Variants in GRAMD1B observed in about 807,000 individuals in gnomAD.
GRAMD1B encodes GRAM domain containing 1B.
In GRAMD1B, 37 loss-of-function variants were observed where a neutral mutation model predicts 99.7. The ratio of observed to expected loss-of-function variants is 0.37; its 90% CI spans 0.29 to 0.49. GRAMD1B has a LOEUF of 0.49. GRAMD1B is among the 20% of genes least tolerant of loss of function. The pLI, the probability that GRAMD1B is intolerant of heterozygous loss-of-function variation, is 0.98. For synonymous variants in GRAMD1B, 427 were observed against 387.6 expected (o/e 1.10, Z -1.19); for missense variants, 888 against 1,009.2 (o/e 0.88, Z 1.63).
intron 18 of GRAMD1B, 49 bp from the exon 19 acceptor site, chr11:123,619,058 C>T (rs564687288): frequency 1.4e-5 from 15 of 1,050,700 alleles, no homozygotes; most frequent in Admixed American, 8.1e-5. Flanking sequence ...CAGGACAGTT[C>T]GCTGAGCATA....
chr11:123,597,957 GT>G, intron 7 of GRAMD1B: 4 of 1,176,254 alleles, frequency 3.4e-6, no homozygotes, highest in Non-Finnish European at 5.1e-6. Flanking sequence ...AGCAGTCCTT[GT>G]TTTTTCAGAT....
chr11:123,600,612 T>G (rs1951830083), intron 8 of GRAMD1B, 64 bp downstream of exon 8: 1 of 1,027,362 alleles, frequency 9.7e-7, no homozygotes, highest in Admixed American at 1.9e-5. Context: ...CTTTGTCTCC[T>G]CAGGGTTCTG....
intron 1 of GRAMD1B, among the ~76,000 whole-genome samples, chr11:123,406,016 CTTT>C (rs72167101): frequency 1.8e-4 from 25 of 139,900 alleles, no homozygotes; most frequent in South Asian, 9.1e-4. Context: ...AACATTATTC[CTTT>C]TTTTTTTTTT....
At chr11:123,551,583 A>G (rs1050181547) in intron 2 of GRAMD1B, among the ~76,000 whole-genome samples, 3 of 152,164 alleles carry the variant, frequency 2.0e-5, no homozygotes, top group Non-Finnish European at 2.9e-5. Flanking sequence ...CGGTGGTGGA[A>G]AGAACATAGG....
chr11:123,622,116 G>T (rs1192223117), intron 19 of GRAMD1B, among the ~76,000 whole-genome samples: 1 of 151,918 alleles, frequency 6.6e-6, no homozygotes, highest in Admixed American at 6.6e-5. Context: ...AAACTCCCGG[G>T]TTCAAGCCAT....
rs146153616 is a variant in GRAMD1B, at chr11:123,377,038, C to T, written c.-176+18239C>T. On this transcript the variant is annotated intron_variant, in intron 1 of 20. Coordinates refer to the GRAMD1B transcript ENST00000638157. ...TATCCTTCTCTCTCCCATCCATTTT[C>T]GCCTGCCTGAATAATCTCCAAGAAC... 2.8e-3 allele frequency among the ~76,000 whole-genome samples: 422 copies of T among 152,298 alleles called. 2 individuals are homozygous for T. Among genetic ancestry groups the T allele is most frequent in the Non-Finnish European group, 4.6e-3 (312 of 68,020 alleles).
intron 1 of GRAMD1B, among the ~76,000 whole-genome samples, chr11:123,468,695 G>A (rs1468522331): frequency 6.6e-6 from 1 of 151,502 alleles, no homozygotes; most frequent in Non-Finnish European, 1.5e-5. Context: ...TACTCAGGAG[G>A]CCGAGGTGGG....
chr11:123,597,936 C>G, intron 7 of GRAMD1B: 1 of 1,086,870 alleles, frequency 9.2e-7, no homozygotes, highest in South Asian at 1.2e-5. Context: ...AGCTACATCC[C>G]TGAACACTAG....
intron 2 of GRAMD1B, chr11:123,560,215 G>A: frequency 9.6e-7 from 1 of 1,037,598 alleles, no homozygotes; most frequent in Non-Finnish European, 1.2e-6. Flanking sequence ...GCGCGCAAGA[G>A]GGGTGCGTGT....
chr11:123,486,708 T>C (rs1052135178), intron 2 of GRAMD1B, among the ~76,000 whole-genome samples: 1 of 152,212 alleles, frequency 6.6e-6, no homozygotes, highest in African/African-American at 2.4e-5. Flanking sequence ...GTGATATACT[T>C]ACAAATAAAC....
intron 11 of GRAMD1B, 57 bp from the exon 12 acceptor site, chr11:123,608,602 G>T (rs575268668): frequency 1.9e-6 from 3 of 1,557,874 alleles, no homozygotes; most frequent in East Asian, 4.8e-5. Flanking sequence ...GGATGTCCCT[G>T]GGGCCCCCTC....
intron 8 of GRAMD1B, among the ~76,000 whole-genome samples, chr11:123,602,328 T>G (rs1248837285): frequency 6.6e-6 from 1 of 151,370 alleles, no homozygotes; most frequent in African/African-American, 2.4e-5. Context: ...TTATTGTTAT[T>G]TTTACTCCCA....
intron 1 of GRAMD1B, among the ~76,000 whole-genome samples, chr11:123,455,233 A>T (rs1433964438): frequency 6.6e-6 from 1 of 152,212 alleles, no homozygotes; most frequent in African/African-American, 2.4e-5. Flanking sequence ...CTAGGTAGAG[A>T]TTCCTTAGGA....
chr11:123,552,857 T>A (rs2135887293), intron 2 of GRAMD1B, among the ~76,000 whole-genome samples: 1 of 152,314 alleles, frequency 6.6e-6, no homozygotes, highest in Admixed American at 6.5e-5. Context: ...ACCTTCTCAA[T>A]GAGTGTTAGC....
At chr11:123,564,663 CA>C (rs2136056730) in intron 2 of GRAMD1B, among the ~76,000 whole-genome samples, 1 of 152,356 alleles carries the variant, frequency 6.6e-6, no homozygotes, top group East Asian at 1.9e-4. Context: ...CTGGCATGGG[CA>C]TAGAACATGG....
At chr11:123,443,629 G>A (rs772784358) in intron 1 of GRAMD1B, among the ~76,000 whole-genome samples, 3 of 151,482 alleles carry the variant, frequency 2.0e-5, no homozygotes, top group Non-Finnish European at 2.9e-5. Context: ...GCAGTGGCAC[G>A]ATCTCACTCA....
At position 123,612,707 on chromosome 11, in the gene GRAMD1B, C is replaced by G. The variant is rs900492705; in HGVS notation, c.1920-54C>G. On this transcript the variant is annotated intron_variant, in intron 14 of 19. Transcript: ENST00000635736. ...TAACTCCGAATTTCCCTTTTCCCAG[C>G]AGAGGCAGGCCCACCCAGGAAATGA... The G allele has an allele frequency of 9.2e-6, 9 of 975,152 alleles. No homozygotes were observed. In the African/African-American group the frequency reaches 1.3e-4, roughly 14 times the overall value. 60.4% of individuals were successfully genotyped at this position (975,152 alleles called of 1,614,324 possible).
chr11:123,427,705 G>A (rs1234528183), upstream of GRAMD1B, among the ~76,000 whole-genome samples: 5 of 152,226 alleles, frequency 3.3e-5, no homozygotes, highest in African/African-American at 9.6e-5. Context: ...GGGACTGCAG[G>A]TGCAAGTGAG....
chr11:123,409,174 T>C (rs1327172258), intron 1 of GRAMD1B, among the ~76,000 whole-genome samples: 1 of 152,228 alleles, frequency 6.6e-6, no homozygotes, highest in East Asian at 1.9e-4. Flanking sequence ...GCTGTGCCAG[T>C]GCTTTTGATA....
Sources: gnomAD v4.1 joint callset for allele counts (sites outside exome capture counted in the v4.1 genomes callset) on GRCh38, gnomAD v4.1.1 for gene constraint, MANE v1.5 for transcripts, NCBI Gene and HGNC (gene_info 2026-07-23, HGNC 2026-07-21) for gene names.